Variants in ASPH observed in about 807,000 individuals in gnomAD.
ASPH encodes aspartyl/asparaginyl beta-hydroxylase.
Under a neutral mutation model 118.4 loss-of-function variants are expected in ASPH, and 100 were observed. The observed-to-expected ratio is 0.84, with a 90% CI of 0.72 to 1.00. ASPH has a LOEUF of 1.00. Ranked by LOEUF, ASPH falls within the 50% of genes least tolerant of loss-of-function variation. The pLI, the probability that ASPH is intolerant of heterozygous loss-of-function variation, is 0.00. For missense variants in ASPH, 920 were observed against 919.5 expected (o/e 1.00, Z -0.01); for synonymous variants, 315 against 325.6 (o/e 0.97, Z 0.35).
chr8:61,554,950 G>A (rs1827327454), intron 19 of ASPH, among the ~76,000 whole-genome samples: 1 of 152,104 alleles, frequency 6.6e-6, no homozygotes, highest in South Asian at 2.1e-4. Context: ...TTATCCTCAA[G>A]TGATTCTCCC....
chr8:61,671,358 C>T (rs551473526), intron 3 of ASPH, among the ~76,000 whole-genome samples: 4 of 152,236 alleles, frequency 2.6e-5, no homozygotes, highest in Non-Finnish European at 5.9e-5. Flanking sequence ...AAAAAGGGAA[C>T]ATTCCACTAA....
chr8:61,572,891 G>A (rs985157018), intron 16 of ASPH, among the ~76,000 whole-genome samples: 3 of 152,138 alleles, frequency 2.0e-5, no homozygotes, highest in Admixed American at 6.6e-5. Flanking sequence ...GAAATAAAGC[G>A]TATTCAAATA....
intron 3 of ASPH, chr8:61,661,392 T>C (rs764281837): frequency 1.3e-5 from 2 of 152,228 alleles, no homozygotes; most frequent in African/African-American, 4.8e-5. Flanking sequence ...ATATGCAACA[T>C]TGACTGGTTC....
chr8:61,567,588 C>T (rs79836535), intron 16 of ASPH, among the ~76,000 whole-genome samples: 4,008 of 152,256 alleles, frequency 0.026, 125 homozygotes, highest in African/African-American at 0.073. Flanking sequence ...TGGAGATGTA[C>T]GTCCTATTAC....
intron 1 of ASPH, among the ~76,000 whole-genome samples, chr8:61,705,827 T>C (rs1047159932): frequency 6.6e-6 from 1 of 152,008 alleles, no homozygotes; most frequent in Admixed American, 6.5e-5. Flanking sequence ...CACATGTAAA[T>C]GTTTATGAAA....
At chr8:61,530,546 C>T (rs915331213) in intron 21 of ASPH, among the ~76,000 whole-genome samples, 1 of 152,150 alleles carries the variant, frequency 6.6e-6, no homozygotes, top group African/African-American at 2.4e-5. Flanking sequence ...CCTGCTCATG[C>T]CACCTGGATG....
intron 18 of ASPH, among the ~76,000 whole-genome samples, chr8:61,557,602 A>T (rs542549940): frequency 1.2e-3 from 188 of 152,200 alleles, no homozygotes; most frequent in Middle Eastern, 6.8e-3. Context: ...TCACCGTCTG[A>T]CCTAGTATAC....
intron 21 of ASPH, among the ~76,000 whole-genome samples, chr8:61,534,337 G>A (rs1297871461): frequency 1.3e-5 from 2 of 152,056 alleles, no homozygotes; most frequent in Non-Finnish European, 2.9e-5. Context: ...CTTGTAATAT[G>A]TAATCCAACC....
intron 13 of ASPH, among the ~76,000 whole-genome samples, chr8:61,623,090 G>C (rs1851557366): frequency 6.6e-6 from 1 of 152,102 alleles, no homozygotes; most frequent in African/African-American, 2.4e-5. Flanking sequence ...CCATTAAAAA[G>C]TGATATATAA....
intron 1 of ASPH, among the ~76,000 whole-genome samples, chr8:61,709,021 G>A (rs1032520175): frequency 6.6e-6 from 1 of 152,078 alleles, no homozygotes; most frequent in African/African-American, 2.4e-5. Context: ...TCCTTCAAAA[G>A]ATGATTTTCT....
At chr8:61,660,770 T>A (rs1039202628) in intron 3 of ASPH, 1 of 152,152 alleles carries the variant, frequency 6.6e-6, no homozygotes, top group Admixed American at 6.5e-5. Flanking sequence ...ATATTCCTAA[T>A]ATCCCAAGGC....
intron 22 of ASPH, among the ~76,000 whole-genome samples, chr8:61,519,058 C>T (rs754510204): frequency 3.3e-5 from 5 of 152,166 alleles, no homozygotes; most frequent in Non-Finnish European, 5.9e-5. Flanking sequence ...CAACAGGAAG[C>T]AGCTATGAAA....
intron 1 of ASPH, chr8:61,689,755 G>T (rs1832074947): frequency 2.0e-6 from 3 of 1,531,738 alleles, no homozygotes; most frequent in Non-Finnish European, 2.6e-6. Flanking sequence ...AAACTCAAAA[G>T]TACTGCTGGC....
Position 61,689,855 on chromosome 8 carries a change from C to T in ASPH, c.104-5667G>A. 2.2e-6 allele frequency: 3 copies of T among 1,376,228 alleles called. No individual in the cohort carries two copies. The African/African-American group carries it at 4.4e-5, about 20-fold the overall frequency. The allele number at this position is 1,376,228 out of a possible 1,614,324, so 85.3% of individuals were successfully genotyped here. ...AAGGGCCTCTAGAACTGAAATTGGA[C>T]CTGACTACAAACTCTGCTCACCAGT... On this transcript the variant is annotated intron_variant, in intron 1 of 24. Transcript: ENST00000379454.
chr8:61,677,904 G>C (rs992847748), intron 3 of ASPH, among the ~76,000 whole-genome samples: 1 of 152,056 alleles, frequency 6.6e-6, no homozygotes, highest in African/African-American at 2.4e-5. Flanking sequence ...ATATGCAAAA[G>C]CATTTGAACA....
chr8:61,520,089 T>C (rs965655345), intron 22 of ASPH, among the ~76,000 whole-genome samples: 3 of 152,202 alleles, frequency 2.0e-5, no homozygotes, highest in Non-Finnish European at 4.4e-5. Flanking sequence ...GATCATCCTT[T>C]ATATGATGAT....
intron 21 of ASPH, among the ~76,000 whole-genome samples, chr8:61,527,017 T>G (rs1433211522): frequency 6.6e-6 from 1 of 152,220 alleles, no homozygotes; most frequent in Admixed American, 6.5e-5. Flanking sequence ...CAATCATTTC[T>G]GTGTTCTATG....
intron 1 of ASPH, among the ~76,000 whole-genome samples, chr8:61,690,227 A>T (rs1832228171): frequency 6.6e-6 from 1 of 152,210 alleles, no homozygotes; most frequent in Non-Finnish European, 1.5e-5. Flanking sequence ...TGCTTGAATG[A>T]AACAAAACCA....
intron 3 of ASPH, chr8:61,659,647 T>C (rs1815708405): frequency 6.6e-6 from 1 of 152,214 alleles, no homozygotes; most frequent in Non-Finnish European, 1.5e-5. Flanking sequence ...TACAATTATA[T>C]TCTTAGGCAA....
Sources: allele counts gnomAD v4.1 joint callset (sites outside exome capture counted in the v4.1 genomes callset), GRCh38; gene constraint gnomAD v4.1.1; transcripts MANE v1.5; gene names NCBI Gene and HGNC (gene_info 2026-07-23, HGNC 2026-07-21).